The following PFKFB2 variants were observed in gnomAD, a reference collection of about 807,000 sequenced individuals.
The protein encoded by PFKFB2 is 6-phosphofructo-2-kinase/fructose-2,6-bisphosphatase 2.
PFKFB2 carries 53 observed loss-of-function variants against 68.0 expected under a neutral mutation model. The ratio of observed to expected loss-of-function variants is 0.78; its 90% CI spans 0.63 to 0.98. PFKFB2 has a LOEUF of 0.98. Ranked by LOEUF, PFKFB2 falls within the 50% of genes least tolerant of loss-of-function variation. PFKFB2 has a pLI of 0.00. For missense variants in PFKFB2, 451 were observed against 642.0 expected (o/e 0.70, Z 3.22); for synonymous variants, 222 against 227.6 (o/e 0.98, Z 0.22).
chr1:207,066,914 A>C (rs1683305356), intron 8 of PFKFB2, among the ~76,000 whole-genome samples: 1 of 152,206 alleles, frequency 6.6e-6, no homozygotes, highest in African/African-American at 2.4e-5. Flanking sequence ...GGCCTCCCAA[A>C]GTGCTAGGAT....
intron 2 of PFKFB2, chr1:207,046,768 T>C (rs1682608398): frequency 6.6e-6 from 1 of 152,132 alleles, no homozygotes. Context: ...TTGTTAAATT[T>C]ACCCACTGTA....
chr1:207,035,231 A>T (rs1682353304), intron 1 of PFKFB2: 3 of 984,920 alleles, frequency 3.0e-6, no homozygotes, highest in Admixed American at 6.1e-5. Flanking sequence ...GTCAGAGGCT[A>T]GTTTATGATT....
chr1:207,051,051 T>A, upstream of PFKFB2: 1 of 1,484,310 alleles, frequency 6.7e-7, no homozygotes. Context: ...TGCGGGTGGT[T>A]GCAGTTATCG....
At chr1:207,037,793 C>T (rs1035687405) in intron 1 of PFKFB2, among the ~76,000 whole-genome samples, 1 of 152,176 alleles carries the variant, frequency 6.6e-6, no homozygotes, top group Admixed American at 6.5e-5. Context: ...AGCCATCATC[C>T]ACTTATTAGC....
intron 9 of PFKFB2, 54 bp from the exon 10 acceptor site, chr1:207,068,095 AGTGTGTGTGTGTGT>A: frequency 1.8e-6 from 2 of 1,093,580 alleles, no homozygotes; most frequent in East Asian, 5.0e-5. Flanking sequence ...GTGTGTGTTG[AGTGTGTGTGTGTGT>A]GTGTGTGTCT....
At chr1:207,078,483 T>C (rs1683687009), downstream of PFKFB2, among the ~76,000 whole-genome samples, 1 of 152,224 alleles carries the variant, frequency 6.6e-6, no homozygotes, top group South Asian at 2.1e-4. Flanking sequence ...AAATGTTAGA[T>C]GCCAGTTAAT....
Position 207,068,324 on chromosome 1 carries a change from C to T in PFKFB2, c.987+15C>T. ...AGATTGATGCTGTGAGTAGGAAGCTCTGAAGGCCCAGAAAAGCCAACAAGA... is the reference window on the plus strand; with the variant it reads ...AGATTGATGCTGTGAGTAGGAAGCTTTGAAGGCCCAGAAAAGCCAACAAGA... On this transcript the variant is annotated intron_variant, in intron 10 of 14. Transcript: ENST00000367080. 1 of 1,536,680 alleles carries T rather than the reference C, an allele frequency of 6.5e-7. No homozygotes were observed. The highest frequency in any genetic ancestry group is 8.8e-7 in the Non-Finnish European group (1 of 1,140,674).
chr1:207,059,704 A>G (rs1159239971), intron 2 of PFKFB2, among the ~76,000 whole-genome samples: 4 of 151,994 alleles, frequency 2.6e-5, no homozygotes, highest in African/African-American at 9.7e-5. Flanking sequence ...CCTCCTCACC[A>G]CTAGGGTCAC....
chr1:207,044,670 C>T (rs1343094420), intron 2 of PFKFB2: 1 of 152,304 alleles, frequency 6.6e-6, no homozygotes, highest in Non-Finnish European at 1.5e-5. Flanking sequence ...GGCCATGCTA[C>T]ATTCTATGAC....
At chr1:207,040,255 A>G (rs553261964) in intron 1 of PFKFB2, among the ~76,000 whole-genome samples, 3 of 152,330 alleles carry the variant, frequency 2.0e-5, no homozygotes, top group East Asian at 3.9e-4. Context: ...CCAGATTAAT[A>G]GCTTTTCGGC....
intron 2 of PFKFB2, chr1:207,044,121 T>C (rs1485101720): frequency 1.3e-5 from 2 of 152,450 alleles, no homozygotes; most frequent in African/African-American, 4.8e-5. Context: ...TGCCCATCCC[T>C]ACTTTTTCAA....
chr1:207,062,084 T>G lies in PFKFB2; in HGVS notation c.211+6T>G, dbSNP rs1238093332. On this transcript the variant is annotated splice_donor_region_variant and intron_variant, in intron 3 of 14. Transcript: ENST00000367080. Reference sequence around the variant, plus strand: ...GATTGGAGTCCCCACCAAAGGTAAGTGTGGCTCATTCCCTAGGAAAGACAA... The same window carrying G: ...GATTGGAGTCCCCACCAAAGGTAAGGGTGGCTCATTCCCTAGGAAAGACAA... The G allele has an allele frequency of 8.7e-6, 14 of 1,613,950 alleles. No homozygotes were observed. The highest frequency in any genetic ancestry group is 1.3e-5 in the African/African-American group (1 of 74,898).
At chr1:207,036,657 C>T (rs1425916421) in intron 1 of PFKFB2, among the ~76,000 whole-genome samples, 1 of 152,192 alleles carries the variant, frequency 6.6e-6, no homozygotes, top group African/African-American at 2.4e-5. Flanking sequence ...ATTTACAAAC[C>T]TAACTTCCTC....
Position 207,062,538 on chromosome 1 carries a change from C to T in PFKFB2, c.212-82C>T, listed in dbSNP as rs956371214. The T allele has an allele frequency of 1.3e-5, 20 of 1,564,094 alleles. No individual in the cohort carries two copies. In the African/African-American group the frequency reaches 1.4e-4, roughly 11 times the overall value. ...GCTTTTTTCATCCCCTTGGTCACTC[C>T]GACATTAGGCCAAGAAACAAGTCCC... is the stretch of plus-strand genomic sequence containing the variant. On this transcript the variant is annotated intron_variant, in intron 3 of 14. Coordinates refer to ENST00000367080, the MANE Select transcript of PFKFB2 (RefSeq NM_006212.2).
At position 207,075,943 on chromosome 1, in the gene PFKFB2, G is replaced by T. The variant is rs1329218939; in HGVS notation, c.*3572G>T. The T allele has an allele frequency of 1.0e-6, 1 of 985,130 alleles. No homozygotes were observed. The highest frequency in any genetic ancestry group is 4.7e-5 in the South Asian group (1 of 21,282). 61.0% of individuals were successfully genotyped at this position (985,130 alleles called of 1,614,324 possible). A position where few individuals can be genotyped will look rare whatever the true frequency, so the allele number is the denominator to read the frequency against. ...TATTGTTGTTTTGTTTTGGTAAAGG[G>T]ATGATTTTTACATTGAGTTTTAAAG... On this transcript the variant is annotated 3_prime_UTR_variant, in exon 15 of 15. Transcript: ENST00000367080.
At chr1:207,062,762 C>A in intron 4 of PFKFB2, 46 bp downstream of exon 4, 2 of 1,559,746 alleles carry the variant, frequency 1.3e-6, no homozygotes, top group Non-Finnish European at 1.8e-6. Context: ...TCTTTCTTGG[C>A]CGTCATGAGA....
At position 207,072,982 on chromosome 1, in the gene PFKFB2, T is replaced by G; in HGVS notation, c.*611T>G. On this transcript the variant is annotated 3_prime_UTR_variant, in exon 15 of 15. Coordinates refer to ENST00000367080, the MANE Select transcript of PFKFB2 (RefSeq NM_006212.2). ...CAGTTAATGCTTTCTGCAGTGGGTCTAAATGGATCTGGACTGGAGGAGTCT... is the reference window on the plus strand; with the variant it reads ...CAGTTAATGCTTTCTGCAGTGGGTCGAAATGGATCTGGACTGGAGGAGTCT... The G allele has an allele frequency of 1.0e-6, 1 of 985,640 alleles. No homozygotes were observed. The highest frequency in any genetic ancestry group is 1.2e-6 in the Non-Finnish European group (1 of 830,136). The allele number at this position is 985,640 out of a possible 1,614,324, so 61.1% of individuals were successfully genotyped here. A position where few individuals can be genotyped will look rare whatever the true frequency, so the allele number is the denominator to read the frequency against.
intron 1 of PFKFB2, among the ~76,000 whole-genome samples, chr1:207,035,559 G>A (rs1383607589): frequency 1.3e-5 from 2 of 152,106 alleles, no homozygotes; most frequent in African/African-American, 4.8e-5. Flanking sequence ...GGGGTGAGGC[G>A]AAAGGATGGC....
chr1:207,065,149 C>A lies in PFKFB2; in HGVS notation c.621C>A (p.Asp207Glu). ...YKVTYRPLDPDNYDKDLSFIK... is the reference protein window; with the variant it reads ...YKVTYRPLDPENYDKDLSFIK... ...TTACCTACCGACCTCTTGACCCAGACAACTATGACAAGTAAGGTTTAAGGC... is the reference window on the plus strand; with the variant it reads ...TTACCTACCGACCTCTTGACCCAGAAAACTATGACAAGTAAGGTTTAAGGC... Residue 207 changes from aspartate to glutamate, a missense_variant, in exon 8 of 15, where the codon GAC becomes GAA. Physicochemically the swap from Asp to Glu is conservative, Grantham distance 45. Coordinates refer to ENST00000367080, the MANE Select transcript of PFKFB2 (RefSeq NM_006212.2). 6.2e-7 allele frequency: 1 copy of A among 1,613,824 alleles called. No homozygotes were observed. Among genetic ancestry groups the A allele is most frequent in the Non-Finnish European group, 8.5e-7 (1 of 1,179,878 alleles).
Sources: allele counts gnomAD v4.1 joint callset (sites outside exome capture counted in the v4.1 genomes callset), GRCh38; gene constraint gnomAD v4.1.1; transcripts MANE v1.5; gene names NCBI Gene and HGNC (gene_info 2026-07-23, HGNC 2026-07-21).